The following MOGAT1 variants were observed in gnomAD, a reference collection of about 807,000 sequenced individuals.
The protein encoded by MOGAT1 is 2-acylglycerol O-acyltransferase 1.
MOGAT1 carries 32 observed loss-of-function variants against 31.4 expected under a neutral mutation model. That is an observed-to-expected ratio of 1.02 (90% CI 0.77 to 1.37). The LOEUF is 1.37. Among genes scored for constraint, MOGAT1 ranks in the 40% most tolerant of loss-of-function variants. The pLI is 0.00. For missense variants in MOGAT1, 426 were observed against 402.0 expected (o/e 1.06, Z -0.51); for synonymous variants, 145 against 144.5 (o/e 1.00, Z -0.03).
At chr2:222,688,748 C>A (rs1413562665) in intron 2 of MOGAT1, among the ~76,000 whole-genome samples, 2 of 152,128 alleles carry the variant, frequency 1.3e-5, no homozygotes, top group African/African-American at 4.8e-5. Flanking sequence ...TGGCATCTGG[C>A]AAGAGCCTTC....
intron 1 of MOGAT1, among the ~76,000 whole-genome samples, chr2:222,674,033 G>A (rs1692461823): frequency 6.6e-6 from 1 of 152,174 alleles, no homozygotes; most frequent in Non-Finnish European, 1.5e-5. Context: ...TGGTGAGGGA[G>A]GACTACCCGT....
intron 5 of MOGAT1, among the ~76,000 whole-genome samples, chr2:222,701,328 GATAAAAGGAATTAA>G (rs1692917813): frequency 5.9e-4 from 68 of 115,726 alleles, no homozygotes; most frequent in Middle Eastern, 4.0e-3. Flanking sequence ...GAGAGAGAGA[GATAAAAGGAATTAA>G]AGAGGGAAAG....
At chr2:222,689,033 T>C (rs1016293252) in intron 2 of MOGAT1, among the ~76,000 whole-genome samples, 1 of 152,154 alleles carries the variant, frequency 6.6e-6, no homozygotes, top group Non-Finnish European at 1.5e-5. Flanking sequence ...GCAATTTGGT[T>C]CCAATTACTA....
intron 1 of MOGAT1, among the ~76,000 whole-genome samples, chr2:222,675,581 G>A (rs1263017302): frequency 6.7e-6 from 1 of 149,646 alleles, no homozygotes; most frequent in East Asian, 2.0e-4. Context: ...CCGGGTTCAT[G>A]CCATTCTCCT....
At chr2:222,678,756 C>T (rs914084550) in intron 1 of MOGAT1, among the ~76,000 whole-genome samples, 8 of 152,082 alleles carry the variant, frequency 5.3e-5, no homozygotes, top group Non-Finnish European at 1.0e-4. Flanking sequence ...GCCTGGCCAA[C>T]ATGGGGACAC....
intron 1 of MOGAT1, among the ~76,000 whole-genome samples, chr2:222,687,541 T>A (rs1170078846): frequency 6.6e-6 from 1 of 152,256 alleles, no homozygotes; most frequent in Non-Finnish European, 1.5e-5. Flanking sequence ...GAGCTTCATG[T>A]GTTACTTGAA....
At chr2:222,672,013 C>A in intron 1 of MOGAT1, 134 bp downstream of exon 1, 1 of 672,670 alleles carries the variant, frequency 1.5e-6, no homozygotes, top group Non-Finnish European at 2.6e-6. Context: ...TCAAAGAGGG[C>A]ATTTGGAGCT....
chr2:222,692,236 G>A (rs1692773634), intron 3 of MOGAT1, among the ~76,000 whole-genome samples: 2 of 152,196 alleles, frequency 1.3e-5, no homozygotes. Context: ...CAGTGGCAAT[G>A]GCACTGGAGA....
chr2:222,707,482 C>T (rs1198333657), intron 5 of MOGAT1, among the ~76,000 whole-genome samples: 6 of 152,026 alleles, frequency 3.9e-5, no homozygotes, highest in Non-Finnish European at 8.8e-5. Context: ...GAGAGAAAGT[C>T]ACCTGCTCAG....
intron 5 of MOGAT1, among the ~76,000 whole-genome samples, chr2:222,698,450 G>T (rs1692868918): frequency 1.3e-5 from 2 of 152,136 alleles, no homozygotes; most frequent in South Asian, 4.1e-4. Flanking sequence ...ATATGTATAT[G>T]GACCCTATCT....
At chr2:222,676,896 T>C (rs570108809) in intron 1 of MOGAT1, among the ~76,000 whole-genome samples, 44 of 152,378 alleles carry the variant, frequency 2.9e-4, no homozygotes, top group South Asian at 1.4e-3. Flanking sequence ...TACTTTAGTA[T>C]CTAAAAATCA....
rs751122558 is a variant in MOGAT1, at chr2:222,709,747, A to G, written c.865A>G (p.Ile289Val). The change falls in exon 6 of 6, where the codon ATC (isoleucine) becomes GTC (valine). Residue 289 changes from isoleucine to valine, a missense_variant. Coordinates refer to ENST00000446656, the MANE Select transcript of MOGAT1 (RefSeq NM_058165.3). ...KAIHTVVGRP[I>V]PVRQTLNPTQ... ...TCCCTGATTTGCAGTTGGCCGCCCGATCCCTGTTCGTCAGACTCTGAACCC... is the reference window on the plus strand; with the variant it reads ...TCCCTGATTTGCAGTTGGCCGCCCGGTCCCTGTTCGTCAGACTCTGAACCC... 6.2e-7 allele frequency: 1 copy of G among 1,612,812 alleles called. No individual in the cohort carries two copies. The highest frequency in any genetic ancestry group is 1.7e-5 in the Admixed American group (1 of 59,686).
chr2:222,697,320 C>T (rs1229283252), intron 5 of MOGAT1, among the ~76,000 whole-genome samples: 1 of 152,160 alleles, frequency 6.6e-6, no homozygotes, highest in Non-Finnish European at 1.5e-5. Context: ...TATGCAATCA[C>T]ATGACATTAT....
intron 5 of MOGAT1, among the ~76,000 whole-genome samples, chr2:222,701,299 G>GGAGAGAGAGAGA (rs1553562912): frequency 3.2e-4 from 29 of 90,546 alleles, no homozygotes; most frequent in African/African-American, 1.2e-3. Context: ...AGGAGGAGGA[G>GGAGAGAGAGAGA]GAGAGAGAGA....
intron 5 of MOGAT1, 77 bp downstream of exon 5, chr2:222,695,365 A>G: frequency 2.0e-6 from 2 of 984,758 alleles, no homozygotes; most frequent in East Asian, 5.5e-5. Flanking sequence ...TGCTAATGCA[A>G]GGGAAGTGGC....
At chr2:222,693,968 G>A (rs565347238) in intron 3 of MOGAT1, among the ~76,000 whole-genome samples, 9 of 152,174 alleles carry the variant, frequency 5.9e-5, no homozygotes, top group South Asian at 2.1e-4. Flanking sequence ...GTAAAAATTC[G>A]CCATGATAAA....
intron 1 of MOGAT1, among the ~76,000 whole-genome samples, chr2:222,688,065 C>A (rs1200388506): frequency 6.6e-6 from 1 of 152,160 alleles, no homozygotes; most frequent in Non-Finnish European, 1.5e-5. Context: ...TCCACCTCCC[C>A]CTTCAAAAAT....
chr2:222,672,911 T>TTATTATTAC, intron 1 of MOGAT1, among the ~76,000 whole-genome samples: 1 of 147,950 alleles, frequency 6.8e-6, no homozygotes, highest in Admixed American at 6.8e-5. Flanking sequence ...ATTATTATTA[T>TTATTATTAC]TATTATTATT....
intron 3 of MOGAT1, among the ~76,000 whole-genome samples, chr2:222,692,870 G>C (rs1239096593): frequency 1.5e-4 from 23 of 152,100 alleles, no homozygotes; most frequent in Admixed American, 1.5e-3. Context: ...CCCTCTTCCT[G>C]GTGGAAGAGA....
Sources: allele counts gnomAD v4.1 joint callset (sites outside exome capture counted in the v4.1 genomes callset), GRCh38; gene constraint gnomAD v4.1.1; transcripts MANE v1.5; gene names NCBI Gene and HGNC (gene_info 2026-07-23, HGNC 2026-07-21).